Variants in ZNF655 observed in about 807,000 individuals in gnomAD.
The protein encoded by ZNF655 is Vav-interacting Kruppel-like protein 1.
In ZNF655, 3 loss-of-function variants were observed where a neutral mutation model predicts 6.6. That is an observed-to-expected ratio of 0.46 (90% CI 0.21 to 1.18). The LOEUF (loss-of-function observed/expected upper bound fraction) is 1.18, where lower values mean the gene tolerates loss of function less well. Ranked by LOEUF, ZNF655 falls within the 50% of genes most tolerant of loss-of-function variation. The probability of loss-of-function intolerance (pLI) is 0.24; values close to 1 mark genes in which losing one functional copy is unlikely to be tolerated. For synonymous variants in ZNF655, 178 were observed against 195.0 expected, an observed-to-expected ratio of 0.91 and a Z score of 0.73; for missense variants, 526 against 572.3, an observed-to-expected ratio of 0.92 and a Z score of 0.83.
chr7:99,573,017 C>G lies in ZNF655; in HGVS notation c.909C>G (p.Tyr303Ter), dbSNP rs749856893. ...HKKIHTRAKS[Y>*]KCSSCERVFS... ...AAATTCACACCAGAGCCAAATCTTA[C>G]AAATGTAGCAGTTGTGAAAGAGTCT... is the stretch of plus-strand genomic sequence containing the variant. The change falls in exon 3 of 3, where the codon TAC becomes TAG. Residue 303 changes from tyrosine (Y) to a stop codon, truncating the protein, a stop_gained. Coordinates refer to ENST00000252713, the MANE Select transcript of ZNF655 (RefSeq NM_138494.3). LOFTEE classifies it low-confidence loss of function (END_TRUNC). The G allele has an allele frequency of 1.9e-6, 3 of 1,614,114 alleles. No homozygotes were observed. The highest frequency in any genetic ancestry group is 2.5e-6 in the Non-Finnish European group (3 of 1,180,002).
chr7:99,572,714 G>GGA lies in ZNF655; in HGVS notation c.610_611dup (p.Ser204ArgfsTer88). The stretch of plus-strand genomic sequence containing the variant: ...TGGATCTCTCCCACCTTAATAAATG[G>GGA]GAGAGCATCCCTAACACTGAGAAAT... On this transcript the variant is annotated frameshift_variant, in exon 3 of 3. Coordinates refer to ENST00000252713, the MANE Select transcript of ZNF655 (RefSeq NM_138494.3). LOFTEE classifies it low-confidence loss of function (END_TRUNC). The GGA allele has an allele frequency of 6.2e-7, 1 of 1,613,214 alleles. No homozygotes were observed. Among genetic ancestry groups the GGA allele is most frequent in the Non-Finnish European group, 8.5e-7 (1 of 1,179,932 alleles).
rs200193800 is a variant in ZNF655 at position 99,560,525 on chromosome 7, C to T, written c.-27-8C>T. On this transcript the variant is annotated splice_region_variant and splice_polypyrimidine_tract_variant and intron_variant, in intron 1 of 2. Transcript: ENST00000252713. ...ATTACAGTAATTTCTCTTAATCTTA[C>T]CTTGCAGTGATGGTCATTGTCCTCC... The T allele has an allele frequency of 8.2e-5, 132 of 1,606,714 alleles. No homozygotes were observed. The highest frequency in any genetic ancestry group is 1.1e-4 in the Non-Finnish European group (130 of 1,175,350).
chr7:99,576,128 CTAACCTCTAGGA>C lies in ZNF655; in HGVS notation c.*2547_*2558del, dbSNP rs2151175613. 6.6e-6 allele frequency: 1 copy of C among 152,450 alleles called. No individual in the cohort carries two copies. The highest frequency in any genetic ancestry group is 1.9e-4 in the East Asian group (1 of 5,190). The allele number at this position is 152,450 out of a possible 1,614,324, so 9.4% of individuals were successfully genotyped here. A position where few individuals can be genotyped will look rare whatever the true frequency, so the allele number is the denominator to read the frequency against. ...TGCTCACTCTATAATCCTCCTATGG[CTAACCTCTAGGA>C]TAGTTCTGCCACTATATTTTACTTC... On this transcript the variant is annotated 3_prime_UTR_variant, in exon 3 of 3. Transcript: ENST00000252713.
chr7:99,569,668 G>A (rs1214306680), intron 2 of ZNF655, among the ~76,000 whole-genome samples: 1 of 152,110 alleles, frequency 6.6e-6, no homozygotes, highest in Non-Finnish European at 1.5e-5. Context: ...AACCTAGAGA[G>A]CTCTTGGCAT....
chr7:99,572,095 G>A, intron 2 of ZNF655, 150 bp from the exon 3 acceptor site: 1 of 797,422 alleles, frequency 1.3e-6, no homozygotes, highest in South Asian at 2.1e-5. Context: ...CTTAACTTCT[G>A]CTGTTGAGAT....
chr7:99,573,604 A>G lies in ZNF655; in HGVS notation c.*20A>G. The G allele has an allele frequency of 6.3e-7, 1 of 1,583,130 alleles. No individual in the cohort carries two copies. The highest frequency in any genetic ancestry group is 8.5e-7 in the Non-Finnish European group (1 of 1,170,872). ...TCATGAATGTAATGAAGATGGGAAG[A>G]TATTTATCAAATTCAGGCTTCATTC... On this transcript the variant is annotated 3_prime_UTR_variant, in exon 3 of 3. Transcript: ENST00000252713.
intron 2 of ZNF655, among the ~76,000 whole-genome samples, chr7:99,566,824 G>C (rs1803670357): frequency 6.6e-6 from 1 of 152,180 alleles, no homozygotes; most frequent in South Asian, 2.1e-4. Context: ...CAGAGTCCTG[G>C]GATTACACAT....
In ZNF655 at chr7:99,573,317, A is replaced by G; in HGVS notation, c.1209A>G (p.Thr403=). 1 of 1,614,218 alleles carries G rather than the reference A, an allele frequency of 6.2e-7. No individual in the cohort carries two copies. Among genetic ancestry groups the G allele is most frequent in the South Asian group, 1.1e-5 (1 of 91,084 alleles). ...TTATTCAGCATCAAAGAATTCACAC[A>G]GGAGAGAAAGCACATGAATGTAATG... ...SHLIQHQRIH[T]GEKAHECNEC... Residue 403 remains threonine (T), a synonymous_variant, in exon 3 of 3, where the codon ACA becomes ACG. Coordinates refer to ENST00000252713, the MANE Select transcript of ZNF655 (RefSeq NM_138494.3).
In ZNF655 at chr7:99,572,836, A is replaced by C. The variant is rs143155031; in HGVS notation, c.728A>C (p.Lys243Thr). 9.4e-5 allele frequency: 151 copies of C among 1,613,976 alleles called. No individual in the cohort carries two copies. Among genetic ancestry groups the C allele is most frequent in the Non-Finnish European group, 1.2e-4 (143 of 1,179,994 alleles). Residue 243 changes from lysine (K) to threonine (T), a missense_variant, in exon 3 of 3, where the codon AAA becomes ACA. Lys to Thr is a moderately conservative substitution (Grantham distance 78, BLOSUM62 -1). Transcript: ENST00000252713. ...ACTAGAGAGAAGCCCTACAAATGTA[A>C]AGAATGTGAAAAGTCTTTCAGTCAG... is the stretch of plus-strand genomic sequence containing the variant. ...IHTREKPYKC[K>T]ECEKSFSQSS... is the part of the protein sequence containing the mutation.
In ZNF655 at chr7:99,573,520, AG is replaced by A. The variant is rs776139682; in HGVS notation, c.1413del (p.Asn472ThrfsTer8). The part of the protein sequence containing the change: ...QKAFDCDVWE[K>X]NSSQRAHLVQ... ...GCCTTTGATTGTGATGTATGGGAAA[AG>A]AACTCCAGTCAGAGAGCACATCTAG... is the stretch of plus-strand genomic sequence containing the variant. On this transcript the variant is annotated frameshift_variant, in exon 3 of 3. Transcript: ENST00000252713. LOFTEE classifies it high-confidence loss of function. The A allele has an allele frequency of 6.2e-7, 1 of 1,610,988 alleles. No individual in the cohort carries two copies. Among genetic ancestry groups the A allele is most frequent in the Non-Finnish European group, 8.5e-7 (1 of 1,179,990 alleles).
chr7:99,572,936 C>T lies in ZNF655; in HGVS notation c.828C>T (p.Ser276=), dbSNP rs1562938614. The change falls in exon 3 of 3, where the codon TCC becomes TCT. Residue 276 remains serine (S), a synonymous_variant. Transcript: ENST00000252713. ...KPYKCEASDK[S]CEASDKSCSP... is the part of the protein sequence containing the mutation. ...ACAAATGTGAAGCATCTGATAAATC[C>T]TGTGAAGCGTCTGATAAATCCTGTA... 3 of 1,614,082 alleles carry T rather than the reference C, an allele frequency of 1.9e-6. No homozygotes were observed. Among genetic ancestry groups the T allele is most frequent in the Non-Finnish European group, 2.5e-6 (3 of 1,179,972 alleles).
intron 2 of ZNF655, chr7:99,564,803 A>G (rs1803495461): frequency 2.9e-6 from 2 of 679,060 alleles, no homozygotes; most frequent in Admixed American, 6.3e-5. Context: ...TTCCTCTCTT[A>G]TCTCTGCACT....
intron 2 of ZNF655, 90 bp from the exon 3 acceptor site, chr7:99,572,152 ATAC>A: frequency 7.5e-7 from 1 of 1,341,530 alleles, no homozygotes; most frequent in East Asian, 2.4e-5. Flanking sequence ...GTCCTTGTAG[ATAC>A]TACATTGTTT....
At position 99,576,278 on chromosome 7, in the gene ZNF655, T is replaced by C. The variant is rs1374845061; in HGVS notation, c.*2694T>C. The C allele has an allele frequency of 6.5e-6, 1 of 152,686 alleles. No homozygotes were observed. The highest frequency in any genetic ancestry group is 2.4e-5 in the African/African-American group (1 of 41,472). The allele number at this position is 152,686 out of a possible 1,614,324, so 9.5% of individuals were successfully genotyped here. ...AGCAAATGAAAAATGCATGTGTTTT[T>C]TCCTGTCAAACATGTATACCCTTAT... On this transcript the variant is annotated 3_prime_UTR_variant, in exon 3 of 3. Transcript: ENST00000252713.
chr7:99,564,051 C>T (rs774399332), intron 2 of ZNF655: 17 of 1,604,286 alleles, frequency 1.1e-5, no homozygotes, highest in Admixed American at 3.5e-5. Context: ...TCCTTTTCCA[C>T]GATTGTGAGA....
Position 99,573,474 on chromosome 7 carries a change from G to C in ZNF655, c.1366G>C (p.Glu456Gln), listed in dbSNP as rs186468754. 8.7e-6 allele frequency: 14 copies of C among 1,613,706 alleles called. No individual in the cohort carries two copies. In the East Asian group the frequency reaches 3.1e-4, roughly 36 times the overall value. ...TAGCTCAGATCTTATCCTGCAACAA[G>C]AAGTCCTCACCAGACAGAAAGCCTT... ...SHSSDLILQQ[E>Q]VLTRQKAFDC... is the part of the protein sequence containing the mutation. Residue 456 changes from glutamate to glutamine, a missense_variant, in exon 3 of 3, where the codon GAA becomes CAA. Transcript: ENST00000252713.
At chr7:99,568,999 G>A (rs1008797616) in intron 2 of ZNF655, among the ~76,000 whole-genome samples, 20 of 152,066 alleles carry the variant, frequency 1.3e-4, no homozygotes, top group Non-Finnish European at 2.5e-4. Context: ...TGCCCAGGCT[G>A]GTCTCAGACT....
intron 2 of ZNF655, chr7:99,564,124 T>C: frequency 1.3e-6 from 2 of 1,513,376 alleles, no homozygotes; most frequent in East Asian, 4.8e-5. Context: ...AAATCGCAGC[T>C]CCTCAAATTA....
rs60101751 is a variant in ZNF655 at position 99,569,575 on chromosome 7, A to C, written c.137-2670A>C. On this transcript the variant is annotated intron_variant, in intron 2 of 2. Transcript: ENST00000252713. ...GTAACCTTGGGCAAGCTACTTAACC[A>C]CTCTGAATCTTAGTATTCCCATCTG... Among the ~76,000 whole-genome samples the C allele has an allele frequency of 7.9e-3, 1,204 of 152,230 alleles. 21 individuals are homozygous for C. Among genetic ancestry groups the C allele is most frequent in the African/African-American group, 0.028 (1,151 of 41,530 alleles).
Sources: allele counts gnomAD v4.1 joint callset (sites outside exome capture counted in the v4.1 genomes callset), GRCh38; gene constraint gnomAD v4.1.1; transcripts MANE v1.5; gene names NCBI Gene and HGNC (gene_info 2026-07-23, HGNC 2026-07-21).